The following ANG variants were observed in gnomAD, a reference collection of about 807,000 sequenced individuals.
ANG encodes angiogenin.
For synonymous variants in ANG, 74 were observed against 73.8 expected (o/e 1.00, Z -0.02); for missense variants, 178 against 187.4 (o/e 0.95, Z 0.29).
At chr14:20,690,169 T>C (rs1320113880) in intron 1 of ANG, among the ~76,000 whole-genome samples, 5 of 133,872 alleles carry the variant, frequency 3.7e-5, no homozygotes, top group East Asian at 4.2e-4. Context: ...GAGCCGAGAT[T>C]GCGCCACTGC....
chr14:20,692,486 C>A (rs1886812918), intron 1 of ANG, among the ~76,000 whole-genome samples: 1 of 152,248 alleles, frequency 6.6e-6, no homozygotes, highest in African/African-American at 2.4e-5. Context: ...GTGGCCTGTC[C>A]GCCTAAGCTC....
At position 20,693,734 on chromosome 14, in the gene ANG, G is replaced by C. The variant is rs770840869; in HGVS notation, c.170G>C (p.Arg57Pro). ...DRYCESIMRR[R>P]GLTSPCKDIN... is the part of the protein sequence containing the mutation. ...TACTGTGAAAGCATCATGAGGAGAC[G>C]GGGCCTGACCTCACCCTGCAAAGAC... Residue 57 changes from arginine to proline, a missense_variant, in exon 2 of 2, where the codon CGG (arginine) becomes CCG (proline). Physicochemically the swap from Arg to Pro is moderately radical, Grantham distance 103 (BLOSUM62 -2). Coordinates refer to ENST00000397990, the MANE Select transcript of ANG (RefSeq NM_001097577.3). 4.3e-6 allele frequency: 7 copies of C among 1,614,166 alleles called. No individual in the cohort carries two copies. Among genetic ancestry groups the C allele is most frequent in the Non-Finnish European group, 5.9e-6 (7 of 1,180,044 alleles).
intron 1 of ANG, among the ~76,000 whole-genome samples, chr14:20,692,883 T>A (rs1000244219): frequency 2.6e-5 from 4 of 152,214 alleles, no homozygotes; most frequent in Non-Finnish European, 5.9e-5. Context: ...AGTCTCGCTC[T>A]GTCGCCAAGG....
At chr14:20,687,417 C>T (rs76478018), upstream of ANG, among the ~76,000 whole-genome samples, 1,325 of 152,332 alleles carry the variant, frequency 8.7e-3, 9 homozygotes, top group Middle Eastern at 0.034. Flanking sequence ...ACTCTAAAAT[C>T]AGAGGCTGCT....
upstream of ANG, among the ~76,000 whole-genome samples, chr14:20,684,967 G>A (rs575262035): frequency 6.6e-6 from 1 of 152,276 alleles, no homozygotes; most frequent in East Asian, 1.9e-4. Flanking sequence ...GGTTTACTTT[G>A]CGCAGCTGGG....
chr14:20,690,553 G>T (rs1886693512), intron 1 of ANG, among the ~76,000 whole-genome samples: 1 of 152,150 alleles, frequency 6.6e-6, no homozygotes. Flanking sequence ...CGCTTGCTGA[G>T]ATTTGGTTCC....
chr14:20,693,465 C>G, intron 1 of ANG, 82 bp from the exon 2 acceptor site: 3 of 1,562,278 alleles, frequency 1.9e-6, no homozygotes, highest in Non-Finnish European at 1.7e-6. Context: ...GATGCCGTGT[C>G]AGAGAGCAAA....
chr14:20,694,150 T>A lies in ANG; in HGVS notation c.*142T>A. 1.2e-6 allele frequency: 1 copy of A among 867,484 alleles called. No individual in the cohort carries two copies. The allele number at this position is 867,484 out of a possible 1,614,324, so 53.7% of individuals were successfully genotyped here. A position where few individuals can be genotyped will look rare whatever the true frequency, so the allele number is the denominator to read the frequency against. On this transcript the variant is annotated 3_prime_UTR_variant, in exon 2 of 2. Transcript: ENST00000397990. ...ACCTTTTGTTTTCTGTTTGACAACA[T>A]GTTTAATAAATAAAAATGTCTTGAT...
chr14:20,693,927 A>T lies in ANG; in HGVS notation c.363A>T (p.Thr121=), dbSNP rs2228653. The change falls in exon 2 of 2, where the codon ACA becomes ACT. Residue 121 remains threonine (T), a synonymous_variant. Coordinates refer to ENST00000397990, the MANE Select transcript of ANG (RefSeq NM_001097577.3). ...GGCCTCCATGCCAGTACCGAGCCAC[A>T]GCGGGGTTCAGAAACGTTGTTGTTG... ...SPWPPCQYRA[T]AGFRNVVVAC... The T allele has an allele frequency of 3.0e-3, 4,780 of 1,614,146 alleles. 91 individuals carry two copies. The African/African-American group carries it at 0.045, about 15-fold the overall frequency.
chr14:20,692,786 G>A (rs933833127), intron 1 of ANG, among the ~76,000 whole-genome samples: 4 of 152,076 alleles, frequency 2.6e-5, no homozygotes, highest in Non-Finnish European at 5.9e-5. Context: ...TCAGTACATT[G>A]AAGCCCCCAT....
intron 1 of ANG, among the ~76,000 whole-genome samples, chr14:20,692,319 T>C (rs1054363513): frequency 2.0e-4 from 31 of 152,114 alleles, no homozygotes; most frequent in Admixed American, 4.6e-4. Context: ...CTTGGGGAGG[T>C]AGGTCTGCTT....
chr14:20,684,241 A>C (rs556084003), upstream of ANG: 3 of 152,358 alleles, frequency 2.0e-5, no homozygotes, highest in South Asian at 6.2e-4. Context: ...CAGTGTCAAG[A>C]CCAAGTTTCA....
At chr14:20,687,352 G>A (rs946840239), upstream of ANG, among the ~76,000 whole-genome samples, 13 of 152,340 alleles carry the variant, frequency 8.5e-5, no homozygotes, top group African/African-American at 3.1e-4. Context: ...AGGCAGAGAA[G>A]GGACCTAACT....
intron 1 of ANG, among the ~76,000 whole-genome samples, chr14:20,691,989 A>T (rs1566600963): frequency 6.6e-6 from 1 of 152,218 alleles, no homozygotes; most frequent in Non-Finnish European, 1.5e-5. Context: ...TGTGAACAGC[A>T]ATATCCCCAC....
At chr14:20,692,327 C>T (rs1886801140) in intron 1 of ANG, among the ~76,000 whole-genome samples, 1 of 152,220 alleles carries the variant, frequency 6.6e-6, no homozygotes, top group Non-Finnish European at 1.5e-5. Context: ...GGTAGGTCTG[C>T]TTCCCTTCAA....
chr14:20,689,799 C>G (rs1886617690), intron 1 of ANG, among the ~76,000 whole-genome samples: 1 of 151,804 alleles, frequency 6.6e-6, no homozygotes, highest in Non-Finnish European at 1.5e-5. Flanking sequence ...GCCTGTAATC[C>G]CAGCTACTTG....
chr14:20,685,501 ACCAC>A (rs1385495509), upstream of ANG, among the ~76,000 whole-genome samples: 1 of 152,176 alleles, frequency 6.6e-6, no homozygotes, highest in Non-Finnish European at 1.5e-5. Flanking sequence ...GTGGCACAGG[ACCAC>A]CTTCCCAGAA....
intron 1 of ANG, 78 bp from the exon 2 acceptor site, chr14:20,693,469 G>A: frequency 1.9e-6 from 3 of 1,575,410 alleles, no homozygotes; most frequent in African/African-American, 1.3e-5. Flanking sequence ...CCGTGTCAGA[G>A]AGCAAAGCTC....
chr14:20,690,239 A>AAG (rs1886666278), intron 1 of ANG, among the ~76,000 whole-genome samples: 1 of 149,734 alleles, frequency 6.7e-6, no homozygotes, highest in African/African-American at 2.5e-5. Flanking sequence ...AAAAAAAAAA[A>AAG]AAAAAAAAAG....
Sources: gnomAD v4.1 joint callset for allele counts (sites outside exome capture counted in the v4.1 genomes callset) on GRCh38, gnomAD v4.1.1 for gene constraint, MANE v1.5 for transcripts, NCBI Gene and HGNC (gene_info 2026-07-23, HGNC 2026-07-21) for gene names.